Variants in CIRSR observed in about 807,000 individuals in gnomAD.
CIRSR encodes CBF1 (RBPJ) interacting corepressor 1.
At chr2:174,348,344 G>C in the CIRSR span, 1 of 1,208,168 alleles carries the variant, frequency 8.3e-7, no homozygotes, top group Non-Finnish European at 1.1e-6. Context: ...TACTTGAATT[G>C]ACAGTCTAGA....
chr2:174,381,710 T>C, the CIRSR span: 1 of 1,584,792 alleles, frequency 6.3e-7, no homozygotes, highest in Non-Finnish European at 8.5e-7. Context: ...GTACCTTTTT[T>C]AGCTCCTGGT....
chr2:174,392,196 C>T, the CIRSR span, among the ~76,000 whole-genome samples: 50 of 152,230 alleles, frequency 3.3e-4, no homozygotes, highest in African/African-American at 1.2e-3. Flanking sequence ...CAGGGTTTCA[C>T]CATGTTGGCC....
At chr2:174,356,590 A>G in the CIRSR span, among the ~76,000 whole-genome samples, 14 of 94,836 alleles carry the variant, frequency 1.5e-4, no homozygotes, top group South Asian at 5.8e-3. Context: ...AAAGAAAGAA[A>G]GAGGGAGGGA....
the CIRSR span, chr2:174,380,633 A>G: frequency 6.2e-7 from 1 of 1,605,242 alleles, no homozygotes. Context: ...CTTGTCTTAA[A>G]AGTAAACCAG....
chr2:174,354,446 T>A, the CIRSR span, among the ~76,000 whole-genome samples: 1 of 15,168 alleles, frequency 6.6e-5, no homozygotes, highest in Non-Finnish European at 2.0e-4. Context: ...ATATAATATA[T>A]TATATAATAT....
chr2:174,380,885 T>C, the CIRSR span: 1 of 1,219,536 alleles, frequency 8.2e-7, no homozygotes, highest in Non-Finnish European at 1.2e-6. Flanking sequence ...AAAAATCTAC[T>C]GTATACACTA....
chr2:174,383,939 T>C, the CIRSR span, among the ~76,000 whole-genome samples: 1 of 150,982 alleles, frequency 6.6e-6, no homozygotes, highest in East Asian at 1.9e-4. Context: ...AAATGTAAAA[T>C]TGTGTAGTCA....
the CIRSR span, chr2:174,351,791 T>G: frequency 4.4e-5 from 54 of 1,221,628 alleles, no homozygotes; most frequent in Non-Finnish European, 5.9e-5. Context: ...GACTCCACAG[T>G]AGGAATGCAG....
the CIRSR span, chr2:174,380,937 G>C: frequency 1.3e-6 from 1 of 774,924 alleles, no homozygotes; most frequent in East Asian, 2.9e-5. Context: ...GAATTCATTG[G>C]TTTGACTTTT....
the CIRSR span, chr2:174,349,250 A>G: frequency 1.3e-5 from 11 of 828,892 alleles, no homozygotes; most frequent in South Asian, 4.3e-5. Context: ...AACAAACAAT[A>G]TATTTTCTTA....
At chr2:174,376,817 A>AG in the CIRSR span, among the ~76,000 whole-genome samples, 7 of 151,668 alleles carry the variant, frequency 4.6e-5, no homozygotes, top group Non-Finnish European at 7.4e-5. Context: ...AAAAAAAAAA[A>AG]AAAGAAAGAA....
the CIRSR span, among the ~76,000 whole-genome samples, chr2:174,354,929 G>A: frequency 2.7e-5 from 4 of 148,860 alleles, no homozygotes; most frequent in Non-Finnish European, 5.9e-5. Context: ...ACTATCTTAC[G>A]GTACTTTTCA....
the CIRSR span, among the ~76,000 whole-genome samples, chr2:174,388,466 G>A: frequency 2.0e-5 from 3 of 152,194 alleles, no homozygotes; most frequent in African/African-American, 7.2e-5. Flanking sequence ...CTCCCCAAGT[G>A]CTGGGATTAC....
the CIRSR span, among the ~76,000 whole-genome samples, chr2:174,363,112 T>C: frequency 2.0e-5 from 3 of 152,306 alleles, no homozygotes; most frequent in East Asian, 1.9e-4. Flanking sequence ...TATGTCACCA[T>C]AGCCAAGCCT....
chr2:174,375,300 CAA>C, the CIRSR span, among the ~76,000 whole-genome samples: 1 of 152,194 alleles, frequency 6.6e-6, no homozygotes, highest in South Asian at 2.1e-4. Context: ...TCTAATTTAT[CAA>C]GAGAGGATTA....
the CIRSR span, chr2:174,351,819 A>G: frequency 1.2e-6 from 1 of 802,638 alleles, no homozygotes; most frequent in Non-Finnish European, 1.9e-6. Context: ...TTTGTTAAGT[A>G]AAATCACAGC....
chr2:174,388,786 G>C, the CIRSR span, among the ~76,000 whole-genome samples: 2 of 152,066 alleles, frequency 1.3e-5, no homozygotes, highest in Non-Finnish European at 2.9e-5. Context: ...ATCTCATCTT[G>C]AATCATAGTT....
At chr2:174,354,153 A>G in the CIRSR span, among the ~76,000 whole-genome samples, 1 of 151,262 alleles carries the variant, frequency 6.6e-6, no homozygotes, top group Admixed American at 6.6e-5. Flanking sequence ...AACAATCATT[A>G]CTCTTCTAGC....
the CIRSR span, chr2:174,370,151 T>C: frequency 8.9e-7 from 1 of 1,118,346 alleles, no homozygotes; most frequent in South Asian, 1.3e-5. Flanking sequence ...AGAAGCAGGC[T>C]GAAGGAGAGC....
Sources: gnomAD v4.1 joint callset for allele counts (sites outside exome capture counted in the v4.1 genomes callset) on GRCh38, gnomAD v4.1.1 for gene constraint, MANE v1.5 for transcripts, NCBI Gene and HGNC (gene_info 2026-07-23, HGNC 2026-07-21) for gene names.